Variants in GRID1 observed in about 807,000 individuals in gnomAD.
GRID1 encodes glutamate ionotropic receptor delta type subunit 1.
GRID1 carries 28 observed loss-of-function variants against 98.0 expected under a neutral mutation model. The ratio of observed to expected loss-of-function variants is 0.29; its 90% CI spans 0.21 to 0.39. GRID1 has a LOEUF of 0.39. Among genes scored for constraint, GRID1 ranks in the 10% least tolerant of loss-of-function variants. The pLI is 1.00. For missense variants in GRID1, 1,111 were observed against 1,340.5 expected (o/e 0.83, Z 2.67); for synonymous variants, 553 against 538.5 (o/e 1.03, Z -0.37).
At chr10:86,103,597 C>T (rs544470671) in intron 4 of GRID1, among the ~76,000 whole-genome samples, 2 of 152,222 alleles carry the variant, frequency 1.3e-5, no homozygotes, top group Non-Finnish European at 2.9e-5. Context: ...GAAGAGGACT[C>T]CCGATGCTGC....
At chr10:86,317,140 C>G (rs142478234) in intron 2 of GRID1, among the ~76,000 whole-genome samples, 1 of 152,218 alleles carries the variant, frequency 6.6e-6, no homozygotes, top group Non-Finnish European at 1.5e-5. Flanking sequence ...GAACTCCCCC[C>G]GGACCTGCCC....
intron 2 of GRID1, among the ~76,000 whole-genome samples, chr10:86,321,307 G>A (rs1847967631): frequency 1.3e-5 from 2 of 151,994 alleles, no homozygotes; most frequent in African/African-American, 4.8e-5. Context: ...CTGCAACAAG[G>A]TCACCCAGTA....
rs558046907 is a variant in GRID1, at chr10:86,308,098, C to T, written c.235+55843G>A. Among the ~76,000 whole-genome samples, 4 of 152,298 alleles carry T rather than the reference C, an allele frequency of 2.6e-5. No individual in the cohort carries two copies. The East Asian group carries it at 7.7e-4, about 29-fold the overall frequency. On this transcript the variant is annotated intron_variant, in intron 2 of 15. Transcript: ENST00000327946. ...CACCATTCTTCATCCCCACTCCTGG[C>T]TTCCACCTCAGTGTGAATTCTGCAG...
intron 12 of GRID1, among the ~76,000 whole-genome samples, chr10:85,693,531 A>G (rs1258224529): frequency 6.6e-6 from 1 of 151,968 alleles, no homozygotes; most frequent in Non-Finnish European, 1.5e-5. Context: ...GATGTTAATA[A>G]TATACTACAA....
chr10:86,242,160 G>T (rs1013215041), intron 2 of GRID1, among the ~76,000 whole-genome samples: 2 of 152,240 alleles, frequency 1.3e-5, no homozygotes, highest in Admixed American at 6.5e-5. Flanking sequence ...GGGAGTATGT[G>T]GTTGCTAAAT....
At chr10:85,973,047 G>A (rs1199237059) in intron 4 of GRID1, among the ~76,000 whole-genome samples, 1 of 152,186 alleles carries the variant, frequency 6.6e-6, no homozygotes, top group Admixed American at 6.5e-5. Flanking sequence ...ATAGGGCCAG[G>A]CACAGAGCAA....
intron 13 of GRID1, among the ~76,000 whole-genome samples, chr10:85,640,432 C>T (rs1168018612): frequency 6.6e-6 from 1 of 152,198 alleles, no homozygotes; most frequent in Non-Finnish European, 1.5e-5. Flanking sequence ...TAGTCTACAT[C>T]CCCTTCCATA....
intron 8 of GRID1, among the ~76,000 whole-genome samples, chr10:85,770,710 G>A (rs993601656): frequency 4.6e-5 from 7 of 152,224 alleles, no homozygotes; most frequent in African/African-American, 7.2e-5. Flanking sequence ...CGATCAACTA[G>A]AAGAAAGGGT....
intron 13 of GRID1, among the ~76,000 whole-genome samples, chr10:85,643,852 T>C (rs1193964612): frequency 6.6e-6 from 1 of 152,214 alleles, no homozygotes; most frequent in African/African-American, 2.4e-5. Flanking sequence ...TTCTATACCA[T>C]GAAGTGATAG....
chr10:85,668,295 A>G (rs1312666120), intron 12 of GRID1, among the ~76,000 whole-genome samples: 1 of 152,160 alleles, frequency 6.6e-6, no homozygotes, highest in Non-Finnish European at 1.5e-5. Context: ...TGAGCAACGG[A>G]GCATGTGCCT....
At chr10:86,054,575 C>A (rs1004754317) in intron 4 of GRID1, among the ~76,000 whole-genome samples, 6 of 152,176 alleles carry the variant, frequency 3.9e-5, no homozygotes, top group Non-Finnish European at 8.8e-5. Context: ...AAGGCTCAGG[C>A]CAGAGGGACT....
rs575704737 is a variant in GRID1 at position 86,061,315 on chromosome 10, C to T, written c.726+77504G>A. On this transcript the variant is annotated intron_variant, in intron 4 of 15. Coordinates refer to ENST00000327946, the MANE Select transcript of GRID1 (RefSeq NM_017551.3). The stretch of plus-strand genomic sequence containing the variant: ...GTCTGCAGGGCACTGCAAAGAATCC[C>T]TCAAGCCTTGGCCTGGCCTCTGACT... Among the ~76,000 whole-genome samples, 10 of 152,314 alleles carry T rather than the reference C, an allele frequency of 6.6e-5. No homozygotes were observed. The South Asian group carries it at 2.1e-3, about 32-fold the overall frequency.
Position 85,649,851 on chromosome 10 carries a change from C to G in GRID1, c.1998-2454G>C, listed in dbSNP as rs145345981. ...CTGTTCCCACCCCAAAATGCCACCCCCATCTTCTTTGAATCTTACTGCTCA... is the reference window on the plus strand; with the variant it reads ...CTGTTCCCACCCCAAAATGCCACCCGCATCTTCTTTGAATCTTACTGCTCA... On this transcript the variant is annotated intron_variant, in intron 12 of 15. Coordinates refer to ENST00000327946, the MANE Select transcript of GRID1 (RefSeq NM_017551.3). Among the ~76,000 whole-genome samples the G allele has an allele frequency of 2.3e-3, 344 of 152,264 alleles. 2 individuals carry two copies. The highest frequency in any genetic ancestry group is 7.6e-3 in the African/African-American group (316 of 41,560).
intron 12 of GRID1, among the ~76,000 whole-genome samples, chr10:85,658,929 T>C (rs1840933431): frequency 6.6e-6 from 1 of 152,200 alleles, no homozygotes; most frequent in Non-Finnish European, 1.5e-5. Flanking sequence ...AAGAATAGGA[T>C]TGCAGGACAA....
chr10:86,138,559 T>C (rs1234786856), intron 4 of GRID1, among the ~76,000 whole-genome samples: 1 of 151,958 alleles, frequency 6.6e-6, no homozygotes, highest in African/African-American at 2.4e-5. Context: ...GTCAGTGACT[T>C]GTAAACAGGC....
At chr10:85,995,439 A>G (rs149414153) in intron 4 of GRID1, among the ~76,000 whole-genome samples, 284 of 152,342 alleles carry the variant, frequency 1.9e-3, no homozygotes, top group African/African-American at 6.4e-3. Context: ...TGACTCCATA[A>G]AAACTATGCA....
At chr10:85,788,061 AAAAAG>A (rs1243945546) in intron 8 of GRID1, among the ~76,000 whole-genome samples, 2 of 143,866 alleles carry the variant, frequency 1.4e-5, no homozygotes, top group African/African-American at 2.7e-5. Flanking sequence ...TCACAAAAAA[AAAAAG>A]AAAAGAAAAG....
At chr10:85,979,029 T>C (rs1226829369) in intron 4 of GRID1, among the ~76,000 whole-genome samples, 1 of 152,130 alleles carries the variant, frequency 6.6e-6, no homozygotes, top group Non-Finnish European at 1.5e-5. Flanking sequence ...TGACAAGAGC[T>C]GAACTTTGTG....
chr10:86,082,012 G>A (rs1843984999), intron 4 of GRID1, among the ~76,000 whole-genome samples: 1 of 152,196 alleles, frequency 6.6e-6, no homozygotes, highest in South Asian at 2.1e-4. Flanking sequence ...TAATAAGAAT[G>A]TACAGATATT....
Sources: gnomAD v4.1 joint callset for allele counts (sites outside exome capture counted in the v4.1 genomes callset) on GRCh38, gnomAD v4.1.1 for gene constraint, MANE v1.5 for transcripts, NCBI Gene and HGNC (gene_info 2026-07-23, HGNC 2026-07-21) for gene names.